The following CNTN4 variants were observed in gnomAD, a reference collection of about 807,000 sequenced individuals.
The protein encoded by CNTN4 is contactin 4, also known as contactin-4.
In CNTN4, 77 loss-of-function variants were observed where a neutral mutation model predicts 122.5. The ratio of observed to expected loss-of-function variants is 0.63; its 90% CI spans 0.52 to 0.76. The LOEUF (loss-of-function observed/expected upper bound fraction) is 0.76, where lower values mean the gene tolerates loss of function less well. CNTN4 is among the 30% of genes least tolerant of loss of function. CNTN4 has a pLI of 0.00. For synonymous variants in CNTN4, 512 were observed against 447.0 expected, an observed-to-expected ratio of 1.15 and a Z score of -1.83; for missense variants, 1,256 against 1,259.1, an observed-to-expected ratio of 1.00 and a Z score of 0.04.
chr3:2,272,888 T>C (rs2041357780), intron 2 of CNTN4, among the ~76,000 whole-genome samples: 1 of 152,016 alleles, frequency 6.6e-6, no homozygotes, highest in African/African-American at 2.4e-5. Flanking sequence ...TTTTGTAATA[T>C]CGCATGGTCA....
At chr3:2,562,522 C>A (rs1025706056) in intron 3 of CNTN4, among the ~76,000 whole-genome samples, 1 of 152,144 alleles carries the variant, frequency 6.6e-6, no homozygotes, top group Non-Finnish European at 1.5e-5. Context: ...AGTATAATGG[C>A]CTCCAGCTGC....
At chr3:2,540,897 C>G (rs1034950199) in intron 3 of CNTN4, among the ~76,000 whole-genome samples, 2 of 152,072 alleles carry the variant, frequency 1.3e-5, no homozygotes, top group Non-Finnish European at 2.9e-5. Context: ...TATTGTCAAA[C>G]TAACAATGGA....
At chr3:2,966,992 T>G (rs1158020470) in intron 13 of CNTN4, among the ~76,000 whole-genome samples, 1 of 152,200 alleles carries the variant, frequency 6.6e-6, no homozygotes, top group Non-Finnish European at 1.5e-5. Context: ...AGAGCAGATT[T>G]ATCAAGACAG....
At chr3:2,805,750 A>T (rs747572960) in intron 6 of CNTN4, among the ~76,000 whole-genome samples, 1 of 152,102 alleles carries the variant, frequency 6.6e-6, no homozygotes, top group African/African-American at 2.4e-5. Flanking sequence ...CCAGGTTTTT[A>T]TCCCGGAAGC....
intron 6 of CNTN4, among the ~76,000 whole-genome samples, chr3:2,817,390 C>G (rs1018377602): frequency 6.6e-6 from 1 of 152,150 alleles, no homozygotes; most frequent in Non-Finnish European, 1.5e-5. Context: ...TACAGTCTTT[C>G]CATTTGCTGT....
At position 2,660,432 on chromosome 3, in the gene CNTN4, C is replaced by T. The variant is rs139299977; in HGVS notation, c.56-75783C>T. Among the ~76,000 whole-genome samples, 31 of 152,202 alleles carry T rather than the reference C, an allele frequency of 2.0e-4. No individual in the cohort carries two copies. The East Asian group carries it at 3.7e-3, about 18-fold the overall frequency. ...GTGTGTTCACCTTAGATATCTAGGA[C>T]GCTTCACTTTGAATAAATTTTCTCT... On this transcript the variant is annotated intron_variant, in intron 4 of 24. Coordinates refer to ENST00000418658, the MANE Select transcript of CNTN4 (RefSeq NM_175607.3).
At chr3:3,039,427 T>G (rs1428133251) in intron 19 of CNTN4, 1 of 176,554 alleles carries the variant, frequency 5.7e-6, no homozygotes, top group Non-Finnish European at 1.2e-5. Flanking sequence ...AGGTATTTTT[T>G]AAAACAACCT....
intron 3 of CNTN4, among the ~76,000 whole-genome samples, chr3:2,555,393 C>T (rs1203103808): frequency 2.6e-5 from 4 of 152,090 alleles, no homozygotes; most frequent in African/African-American, 7.2e-5. Flanking sequence ...TTACCATGTA[C>T]GATATTTTCC....
intron 3 of CNTN4, among the ~76,000 whole-genome samples, chr3:2,345,314 G>A (rs1053801305): frequency 2.0e-5 from 3 of 151,870 alleles, no homozygotes; most frequent in African/African-American, 7.3e-5. Flanking sequence ...GTTTGTTTTT[G>A]GAAATTGAAA....
intron 4 of CNTN4, among the ~76,000 whole-genome samples, chr3:2,600,005 CTTCTTTTT>C (rs1362761086): frequency 0.06 from 1,707 of 28,226 alleles, 81 homozygotes; most frequent in African/African-American, 0.092. Flanking sequence ...TTATGGAATT[CTTCTTTTT>C]TTTTTTTTTT....
chr3:2,294,923 C>T (rs570821767), intron 2 of CNTN4, among the ~76,000 whole-genome samples: 11 of 152,072 alleles, frequency 7.2e-5, no homozygotes, highest in African/African-American at 1.4e-4. Flanking sequence ...TGAGAACATG[C>T]GGTGTTCAGT....
intron 2 of CNTN4, among the ~76,000 whole-genome samples, chr3:2,315,071 A>G (rs560649074): frequency 5.2e-4 from 79 of 152,224 alleles, no homozygotes; most frequent in African/African-American, 1.8e-3. Context: ...TACATCAAAA[A>G]GAAACATGCA....
intron 2 of CNTN4, among the ~76,000 whole-genome samples, chr3:2,324,836 G>A (rs552863868): frequency 5.3e-5 from 8 of 151,772 alleles, no homozygotes; most frequent in African/African-American, 1.4e-4. Context: ...TTCCAACCTC[G>A]CAAACAATCA....
chr3:2,913,962 C>T (rs539745519), intron 12 of CNTN4, among the ~76,000 whole-genome samples: 4 of 152,200 alleles, frequency 2.6e-5, no homozygotes, highest in South Asian at 4.1e-4. Flanking sequence ...AATATCCTCT[C>T]GGACTATGAC....
At chr3:2,490,272 A>G (rs1415195308) in intron 3 of CNTN4, among the ~76,000 whole-genome samples, 1 of 152,186 alleles carries the variant, frequency 6.6e-6, no homozygotes, top group Non-Finnish European at 1.5e-5. Flanking sequence ...CTCAAAGCCT[A>G]CTGCTTTCTG....
intron 13 of CNTN4, among the ~76,000 whole-genome samples, chr3:2,932,299 A>G (rs1028631520): frequency 3.9e-5 from 6 of 152,146 alleles, no homozygotes; most frequent in African/African-American, 1.2e-4. Context: ...AATGGCGTGA[A>G]CCCAGAAGGC....
chr3:2,745,186 G>A (rs908267545), intron 5 of CNTN4, among the ~76,000 whole-genome samples: 5 of 152,188 alleles, frequency 3.3e-5, no homozygotes, highest in East Asian at 1.9e-4. Flanking sequence ...TTACTGAGGA[G>A]CCCCATTTGA....
At chr3:2,341,864 A>G (rs922123867) in intron 3 of CNTN4, among the ~76,000 whole-genome samples, 1 of 152,236 alleles carries the variant, frequency 6.6e-6, no homozygotes, top group African/African-American at 2.4e-5. Context: ...ATGCATTTCC[A>G]GATGACAAAG....
rs1334394337 is a variant in CNTN4, at chr3:3,057,257, T to C, written c.*1037T>C. On this transcript the variant is annotated 3_prime_UTR_variant, in exon 25 of 25. Transcript: ENST00000418658. ...CCTTCTTTTGAATCAAAATTACATA[T>C]GGACTTTGGAAGATTGCTCCTATTT... is the stretch of plus-strand genomic sequence containing the variant. 6.6e-6 allele frequency: 1 copy of C among 152,644 alleles called. No individual in the cohort carries two copies. Among genetic ancestry groups the C allele is most frequent in the East Asian group, 1.9e-4 (1 of 5,198 alleles). The allele number at this position is 152,644 out of a possible 1,614,324, so 9.5% of individuals were successfully genotyped here. A position where few individuals can be genotyped will look rare whatever the true frequency, so the allele number is the denominator to read the frequency against.
Sources: gnomAD v4.1 joint callset for allele counts (sites outside exome capture counted in the v4.1 genomes callset) on GRCh38, gnomAD v4.1.1 for gene constraint, MANE v1.5 for transcripts, NCBI Gene and HGNC (gene_info 2026-07-23, HGNC 2026-07-21) for gene names.